Variants in POLK observed in about 807,000 individuals in gnomAD.
POLK encodes DNA polymerase kappa.
A neutral mutation model predicts 94.0 loss-of-function variants in POLK; 76 were observed. That is an observed-to-expected ratio of 0.81 (90% CI 0.67 to 0.98). POLK has a LOEUF of 0.98. Among genes scored for constraint, POLK ranks in the 50% least tolerant of loss-of-function variants. The pLI is 0.00. For missense variants in POLK, 954 were observed against 1,010.1 expected, an observed-to-expected ratio of 0.94 and a Z score of 0.75; for synonymous variants, 349 against 325.4, an observed-to-expected ratio of 1.07 and a Z score of -0.78.
intron 6 of POLK, among the ~76,000 whole-genome samples, chr5:75,580,070 G>A (rs868667941): frequency 1.7e-4 from 25 of 151,046 alleles, no homozygotes; most frequent in African/African-American, 5.8e-4. Context: ...TAACATCTAT[G>A]ACTTACTTCA....
At chr5:75,584,192 T>C (rs929550210) in intron 8 of POLK, among the ~76,000 whole-genome samples, 1 of 152,160 alleles carries the variant, frequency 6.6e-6, no homozygotes, top group Non-Finnish European at 1.5e-5. Context: ...CATATTAATA[T>C]ATTAAAAATT....
At position 75,590,448 on chromosome 5, in the gene POLK, A is replaced by G; in HGVS notation, c.1356+8A>G. The G allele has an allele frequency of 6.5e-7, 1 of 1,531,766 alleles. No individual in the cohort carries two copies. The highest frequency in any genetic ancestry group is 9.0e-7 in the Non-Finnish European group (1 of 1,105,622). The allele number at this position is 1,531,766 out of a possible 1,614,324, so 94.9% of individuals were successfully genotyped here. ...CAGAAAGAAAGACTTAAGGTGCTTT[A>G]TTTTGATATGGTGTCCTTAGTTTTT... On this transcript the variant is annotated splice_region_variant and intron_variant, in intron 11 of 14. Transcript: ENST00000241436.
intron 5 of POLK, among the ~76,000 whole-genome samples, chr5:75,576,569 T>G (rs906860551): frequency 6.6e-6 from 1 of 152,180 alleles, no homozygotes; most frequent in Non-Finnish European, 1.5e-5. Flanking sequence ...TTTTATGGTC[T>G]TCTGCCTTCA....
At chr5:75,542,951 T>TCTC (rs2112617793) in intron 1 of POLK, among the ~76,000 whole-genome samples, 1 of 151,332 alleles carries the variant, frequency 6.6e-6, no homozygotes, top group South Asian at 2.1e-4. Context: ...GACCTCGTGA[T>TCTC]CCACCCACCT....
chr5:75,541,115 C>G (rs1195995453), intron 1 of POLK, among the ~76,000 whole-genome samples: 1 of 152,022 alleles, frequency 6.6e-6, no homozygotes, highest in Non-Finnish European at 1.5e-5. Context: ...GAAACCCCGT[C>G]TCTACAAAAA....
chr5:75,528,649 CA>C (rs573349562), intron 1 of POLK, among the ~76,000 whole-genome samples: 12,594 of 138,604 alleles, frequency 0.091, 542 homozygotes, highest in Admixed American at 0.12. Context: ...TCCACTCTAC[CA>C]AAAAAAAAAA....
At chr5:75,534,242 G>A (rs1422344954) in intron 1 of POLK, among the ~76,000 whole-genome samples, 1 of 150,334 alleles carries the variant, frequency 6.7e-6, no homozygotes, top group Non-Finnish European at 1.5e-5. Flanking sequence ...TTGCAGCTTG[G>A]ATGACAGAGC....
chr5:75,582,737 C>T (rs1772257868), intron 7 of POLK: 1 of 152,432 alleles, frequency 6.6e-6, no homozygotes, highest in Non-Finnish European at 1.5e-5. Context: ...TACCTGAGGT[C>T]AGGAGTTCGA....
At chr5:75,576,106 A>G (rs1438536104) in intron 5 of POLK, among the ~76,000 whole-genome samples, 1 of 152,142 alleles carries the variant, frequency 6.6e-6, no homozygotes, top group Non-Finnish European at 1.5e-5. Flanking sequence ...TCTAATCTTT[A>G]TATGTATTTC....
Position 75,584,639 on chromosome 5 carries a change from C to T in POLK, c.1060-121C>T. 8 of 609,206 alleles carry T rather than the reference C, an allele frequency of 1.3e-5. No individual in the cohort carries two copies. The South Asian group carries it at 1.9e-4, about 14-fold the overall frequency. 37.7% of individuals were successfully genotyped at this position (609,206 alleles called of 1,614,324 possible). On this transcript the variant is annotated intron_variant, in intron 8 of 14. Transcript: ENST00000241436. Reference sequence around the variant, plus strand: ...GGAGCCAACTTGGCACCACTGTACTCCAGCTTGGGCAACAAGAGCGAGACT... The same window carrying T: ...GGAGCCAACTTGGCACCACTGTACTTCAGCTTGGGCAACAAGAGCGAGACT...
chr5:75,513,414 G>A (rs569205497), intron 1 of POLK, among the ~76,000 whole-genome samples: 73 of 152,130 alleles, frequency 4.8e-4, no homozygotes, highest in Non-Finnish European at 8.5e-4. Flanking sequence ...AAGTGGGAGG[G>A]AAGAGGTAGA....
the POLK span, among the ~76,000 whole-genome samples, chr5:75,608,123 T>C: frequency 1.3e-5 from 2 of 152,198 alleles, no homozygotes; most frequent in Non-Finnish European, 2.9e-5. Context: ...TTGCATTCCA[T>C]ATTTATTTGA....
At chr5:75,567,954 T>C (rs1389672441) in intron 3 of POLK, among the ~76,000 whole-genome samples, 1 of 152,036 alleles carries the variant, frequency 6.6e-6, no homozygotes, top group Non-Finnish European at 1.5e-5. Context: ...AAAAGAGGAG[T>C]TATAGTTTTA....
chr5:75,515,495 A>G (rs182500082), intron 1 of POLK, among the ~76,000 whole-genome samples: 8 of 152,318 alleles, frequency 5.3e-5, no homozygotes, highest in Admixed American at 2.6e-4. Flanking sequence ...TATATAGACC[A>G]CATCTTCTTT....
chr5:75,553,844 C>CA (rs1389377347), intron 3 of POLK, among the ~76,000 whole-genome samples: 1 of 152,048 alleles, frequency 6.6e-6, no homozygotes, highest in Non-Finnish European at 1.5e-5. Context: ...CACAAGAGAC[C>CA]AAAAATGTAA....
chr5:75,532,517 T>C (rs575150072), intron 1 of POLK, among the ~76,000 whole-genome samples: 1 of 152,334 alleles, frequency 6.6e-6, no homozygotes, highest in East Asian at 1.9e-4. Context: ...TCCATGCCTT[T>C]GCTATTGTGA....
exon 1 of POLK, chr5:75,511,774 G>C (rs754730594): frequency 1.9e-6 from 3 of 1,551,522 alleles, no homozygotes; most frequent in Non-Finnish European, 2.6e-6. Flanking sequence ...GCTCTCCCGG[G>C]TGACGACGGG....
chr5:75,541,889 T>A (rs569331639), intron 1 of POLK, among the ~76,000 whole-genome samples: 13 of 152,226 alleles, frequency 8.5e-5, no homozygotes, highest in Non-Finnish European at 1.6e-4. Context: ...GGAAAAATAA[T>A]CTGTTAAAGT....
At chr5:75,590,282 A>G in intron 10 of POLK, 62 bp from the exon 11 acceptor site, 1 of 860,024 alleles carries the variant, frequency 1.2e-6, no homozygotes, top group Admixed American at 2.3e-5. Context: ...CATGCATACC[A>G]TTTCCAAATT....
Sources: gnomAD v4.1 joint callset for allele counts (sites outside exome capture counted in the v4.1 genomes callset) on GRCh38, gnomAD v4.1.1 for gene constraint, MANE v1.5 for transcripts, NCBI Gene and HGNC (gene_info 2026-07-23, HGNC 2026-07-21) for gene names.